Variants in ARMC2 observed in about 807,000 individuals in gnomAD.
ARMC2 encodes the protein armadillo repeat containing 2.
A neutral mutation model predicts 90.3 loss-of-function variants in ARMC2; 67 were observed. That is an observed-to-expected ratio of 0.74 (90% CI 0.61 to 0.91). The LOEUF (loss-of-function observed/expected upper bound fraction) is 0.91. ARMC2 is among the 40% of genes least tolerant of loss of function. The pLI, the probability that ARMC2 is intolerant of heterozygous loss-of-function variation, is 0.00. For missense variants in ARMC2, 920 were observed against 1,030.9 expected, an observed-to-expected ratio of 0.89 and a Z score of 1.47; for synonymous variants, 393 against 393.0, an observed-to-expected ratio of 1.00 and a Z score of 0.00.
At chr6:108,979,147 C>T (rs200231833), downstream of ARMC2, among the ~76,000 whole-genome samples, 57 of 152,252 alleles carry the variant, frequency 3.7e-4, no homozygotes, top group East Asian at 2.9e-3. Context: ...TTCCTTTCCA[C>T]GTTTAGTGCT....
At chr6:108,937,041 C>CAAACACATTAGTG in intron 12 of ARMC2, 42 bp downstream of exon 12, 1 of 1,462,540 alleles carries the variant, frequency 6.8e-7, no homozygotes, top group Non-Finnish European at 9.4e-7. Flanking sequence ...AGTCTTTACA[C>CAAACACATTAGTG]TAATGTGTTT....
intron 2 of ARMC2, chr6:108,856,452 T>A (rs1379103283): frequency 4.7e-6 from 1 of 211,074 alleles, no homozygotes; most frequent in East Asian, 1.1e-4. Context: ...GGGGTTTCCC[T>A]CTCTGTCAGT....
chr6:108,990,554 T>C, the ARMC2 span: 3 of 1,129,394 alleles, frequency 2.7e-6, no homozygotes, highest in African/African-American at 3.1e-5. Context: ...GTTTTGATTA[T>C]GTGTGTGTCT....
At chr6:109,040,037 G>A in the ARMC2 span, among the ~76,000 whole-genome samples, 2 of 152,192 alleles carry the variant, frequency 1.3e-5, no homozygotes, top group Non-Finnish European at 2.9e-5. Flanking sequence ...TAGGAACCAC[G>A]ACTGGGAAAA....
chr6:108,985,290 T>G, the ARMC2 span, among the ~76,000 whole-genome samples: 15,248 of 152,162 alleles, frequency 0.1, 902 homozygotes, highest in Middle Eastern at 0.19. Context: ...CCAAAACAAC[T>G]CAAGATTTTA....
intron 5 of ARMC2, among the ~76,000 whole-genome samples, chr6:108,887,022 C>T (rs775637691): frequency 6.6e-6 from 1 of 151,876 alleles, no homozygotes; most frequent in African/African-American, 2.4e-5. Flanking sequence ...ATTCTCTTGC[C>T]TCAACCTCCC....
chr6:108,990,656 C>T, the ARMC2 span: 18 of 1,613,836 alleles, frequency 1.1e-5, no homozygotes, highest in Non-Finnish European at 1.5e-5. Flanking sequence ...TTATTCCAAA[C>T]ATGCAGTGAA....
At chr6:108,920,870 G>T (rs724152) in intron 10 of ARMC2, among the ~76,000 whole-genome samples, 110,816 of 151,734 alleles carry the variant, frequency 0.73, 40,980 homozygotes, top group Middle Eastern at 0.81. Context: ...GGACTGGGAG[G>T]GTCTGATTCC....
the ARMC2 span, chr6:108,999,130 CTG>C: frequency 1.2e-5 from 2 of 162,806 alleles, no homozygotes; most frequent in Admixed American, 1.2e-4. Context: ...GTAGAAGCTG[CTG>C]TGTGAAACGC....
At chr6:108,869,406 G>A (rs1776155435) in intron 4 of ARMC2, among the ~76,000 whole-genome samples, 1 of 152,180 alleles carries the variant, frequency 6.6e-6, no homozygotes, top group South Asian at 2.1e-4. Flanking sequence ...TACTCGGGAG[G>A]CTGAGGCAGG....
intron 1 of ARMC2, among the ~76,000 whole-genome samples, chr6:108,849,286 T>C (rs927896244): frequency 6.6e-6 from 1 of 152,220 alleles, no homozygotes; most frequent in Non-Finnish European, 1.5e-5. Flanking sequence ...ATTATATTTA[T>C]CCTGGTTTCT....
In ARMC2 at chr6:108,973,654, T is replaced by A; in HGVS notation, c.*140T>A. 1.3e-6 allele frequency: 1 copy of A among 774,596 alleles called. No individual in the cohort carries two copies. Among genetic ancestry groups the A allele is most frequent in the Non-Finnish European group, 2.0e-6 (1 of 506,286 alleles). The allele number at this position is 774,596 out of a possible 1,614,324, so 48.0% of individuals were successfully genotyped here. A position where few individuals can be genotyped will look rare whatever the true frequency, so the allele number is the denominator to read the frequency against. ...CTGGTTTTAGTGAGTAGCTGAAGTATTTTTTAAAATTAAGCATTTCTTCTT... is the reference window on the plus strand; with the variant it reads ...CTGGTTTTAGTGAGTAGCTGAAGTAATTTTTAAAATTAAGCATTTCTTCTT... On this transcript the variant is annotated 3_prime_UTR_variant, in exon 18 of 18. Coordinates refer to ENST00000392644, the MANE Select transcript of ARMC2 (RefSeq NM_032131.6).
At chr6:108,980,508 G>A in the ARMC2 span, among the ~76,000 whole-genome samples, 1 of 120,100 alleles carries the variant, frequency 8.3e-6, no homozygotes, top group African/African-American at 3.0e-5. Context: ...TCCTCCTCAG[G>A]AGTTCTCCTG....
chr6:108,912,920 T>A (rs531514715), intron 10 of ARMC2, among the ~76,000 whole-genome samples: 7 of 152,320 alleles, frequency 4.6e-5, no homozygotes, highest in African/African-American at 1.7e-4. Flanking sequence ...TGGAGATGAT[T>A]TATGATGATT....
At chr6:109,004,733 A>C in the ARMC2 span, among the ~76,000 whole-genome samples, 2 of 151,812 alleles carry the variant, frequency 1.3e-5, no homozygotes, top group Non-Finnish European at 2.9e-5. Flanking sequence ...CTGACCAACA[A>C]TCGTATTTTA....
rs1189461227 is a variant in ARMC2, at chr6:108,961,560, A to C, written c.1916-12A>C. The C allele has an allele frequency of 6.3e-7, 1 of 1,597,504 alleles. No individual in the cohort carries two copies. The highest frequency in any genetic ancestry group is 1.3e-5 in the African/African-American group (1 of 74,270). ...GTGGGTCTTTGACTCCCTTATCCTT[A>C]CTTCATTTCAGAATACAAGTCACTT... On this transcript the variant is annotated splice_polypyrimidine_tract_variant and intron_variant, in intron 13 of 17. Coordinates refer to ENST00000392644, the MANE Select transcript of ARMC2 (RefSeq NM_032131.6).
intron 12 of ARMC2, among the ~76,000 whole-genome samples, chr6:108,949,804 A>G (rs1777051409): frequency 6.6e-6 from 1 of 152,236 alleles, no homozygotes; most frequent in Non-Finnish European, 1.5e-5. Context: ...AGGCCCATAA[A>G]TATCCCATAG....
chr6:108,890,431 A>T (rs1770890518), intron 5 of ARMC2, among the ~76,000 whole-genome samples: 1 of 152,016 alleles, frequency 6.6e-6, no homozygotes, highest in Non-Finnish European at 1.5e-5. Flanking sequence ...TCAATTTAAG[A>T]TGAGGAAACC....
At chr6:108,941,489 A>G (rs1776434591) in intron 12 of ARMC2, among the ~76,000 whole-genome samples, 1 of 152,234 alleles carries the variant, frequency 6.6e-6, no homozygotes, top group Admixed American at 6.5e-5. Context: ...GCATTGTTTA[A>G]TGACCCAATC....
Sources: gnomAD v4.1 joint callset for allele counts (sites outside exome capture counted in the v4.1 genomes callset) on GRCh38, gnomAD v4.1.1 for gene constraint, MANE v1.5 for transcripts, NCBI Gene and HGNC (gene_info 2026-07-23, HGNC 2026-07-21) for gene names.